TRNP1: variants seen among roughly 807,000 people sequenced by gnomAD.
The protein encoded by TRNP1 is TMF-regulated nuclear protein 1.
TRNP1 carries 16 observed loss-of-function variants against 12.2 expected under a neutral mutation model. The observed-to-expected ratio is 1.31, with a 90% CI of 0.89 to 1.99. The LOEUF is 1.99. TRNP1 is among the 30% of genes most tolerant of loss of function. TRNP1 has a pLI of 0.00. For missense variants in TRNP1, 338 were observed against 330.4 expected, an observed-to-expected ratio of 1.02 and a Z score of -0.18; for synonymous variants, 139 against 166.2, an observed-to-expected ratio of 0.84 and a Z score of 1.26.
At chr1:26,997,456 T>C (rs2082550903) in intron 1 of TRNP1, among the ~76,000 whole-genome samples, 1 of 152,164 alleles carries the variant, frequency 6.6e-6, no homozygotes, top group African/African-American at 2.4e-5. Context: ...TCCTGGCTCT[T>C]TTCCAGGCAG....
At chr1:26,999,100 G>C (rs141598368) in intron 1 of TRNP1, among the ~76,000 whole-genome samples, 1 of 152,166 alleles carries the variant, frequency 6.6e-6, no homozygotes, top group African/African-American at 2.4e-5. Context: ...CAGCAACCTG[G>C]CTTCTGAGGA....
chr1:26,999,537 A>G (rs1466405057), intron 1 of TRNP1, among the ~76,000 whole-genome samples: 2 of 152,116 alleles, frequency 1.3e-5, no homozygotes, highest in Non-Finnish European at 1.5e-5. Context: ...GCTTCTCTAG[A>G]GCATCACCAT....
At chr1:26,995,675 G>A (rs753514509) in intron 1 of TRNP1, among the ~76,000 whole-genome samples, 2 of 152,210 alleles carry the variant, frequency 1.3e-5, no homozygotes, top group Non-Finnish European at 2.9e-5. Flanking sequence ...TTGTTGCCCA[G>A]GCTGAAGTGC....
At position 26,993,711 on chromosome 1, in the gene TRNP1, T is replaced by G; in HGVS notation, c.-76T>G. ...GCCTCTGGGGTGGGGGCTGTGGCCGTGTCTAGCTGTTCGGGTGTGCTGTGG... is the reference window on the plus strand; with the variant it reads ...GCCTCTGGGGTGGGGGCTGTGGCCGGGTCTAGCTGTTCGGGTGTGCTGTGG... On this transcript the variant is annotated 5_prime_UTR_variant, in exon 1 of 2. Coordinates refer to ENST00000522111, the MANE Select transcript of TRNP1 (RefSeq NM_001013642.3). 1 of 1,207,172 alleles carries G rather than the reference T, an allele frequency of 8.3e-7. No homozygotes were observed. The highest frequency in any genetic ancestry group is 1.0e-6 in the Non-Finnish European group (1 of 972,424). 74.8% of individuals were successfully genotyped at this position (1,207,172 alleles called of 1,614,324 possible). A position where few individuals can be genotyped will look rare whatever the true frequency, so the allele number is the denominator to read the frequency against.
chr1:26,994,141 C>G lies in TRNP1; in HGVS notation c.355C>G (p.Leu119Val). 1 of 1,252,788 alleles carries G rather than the reference C, an allele frequency of 8.0e-7. No homozygotes were observed. The highest frequency in any genetic ancestry group is 1.0e-6 in the Non-Finnish European group (1 of 995,980). 77.6% of individuals were successfully genotyped at this position (1,252,788 alleles called of 1,614,324 possible). ...GCTGGAGGTGGAGGGCCGCCGGCGCCTGGTGTCGGAGCTGGAGAGCCGCGT... is the reference window on the plus strand; with the variant it reads ...GCTGGAGGTGGAGGGCCGCCGGCGCGTGGTGTCGGAGCTGGAGAGCCGCGT... ...RLLEVEGRRR[L>V]VSELESRVLQ... The change falls in exon 1 of 2, where the codon CTG becomes GTG. Residue 119 changes from leucine (L) to valine (V), a missense_variant. Leu to Val is a conservative substitution (Grantham distance 32, BLOSUM62 1). Transcript: ENST00000522111. The surrounding 1 kb of genome is among the most constrained non-coding windows in gnomAD (Gnocchi z 6.9).
In TRNP1 at chr1:26,993,795, C is replaced by T; in HGVS notation, c.9C>T (p.Gly3=). 1 of 1,322,400 alleles carries T rather than the reference C, an allele frequency of 7.6e-7. No individual in the cohort carries two copies. Among genetic ancestry groups the T allele is most frequent in the Non-Finnish European group, 9.6e-7 (1 of 1,038,622 alleles). The allele number at this position is 1,322,400 out of a possible 1,614,324, so 81.9% of individuals were successfully genotyped here. The change falls in exon 1 of 2, where the codon GGC becomes GGT. Residue 3 remains glycine, a synonymous_variant. Transcript: ENST00000522111. The part of the protein sequence containing the change: MP[G]CRISACGPGA... ...CCGGTGGGGGGCGGGGGATGCCGGG[C>T]TGCCGCATCAGCGCCTGCGGCCCGG...
chr1:26,996,310 G>A (rs2082545266), intron 1 of TRNP1, among the ~76,000 whole-genome samples: 1 of 152,222 alleles, frequency 6.6e-6, no homozygotes, highest in African/African-American at 2.4e-5. Context: ...GCCCTTATGG[G>A]ATCCTCCCTC....
Position 26,994,407 on chromosome 1 carries a change from C to T in TRNP1, c.621C>T (p.Gly207=). 1 of 1,147,372 alleles carries T rather than the reference C, an allele frequency of 8.7e-7. No individual in the cohort carries two copies. Among genetic ancestry groups the T allele is most frequent in the Non-Finnish European group, 1.1e-6 (1 of 934,294 alleles). 71.1% of individuals were successfully genotyped at this position (1,147,372 alleles called of 1,614,324 possible). A position where few individuals can be genotyped will look rare whatever the true frequency, so the allele number is the denominator to read the frequency against. The change falls in exon 1 of 2, where the codon GGC becomes GGT. Residue 207 remains glycine, a synonymous_variant. Transcript: ENST00000522111. The surrounding 1 kb of genome is among the most constrained non-coding windows in gnomAD (Gnocchi z 6.9). ...WGAGRLRRGH[G]PEPDSPFRRS... Reference sequence around the variant, plus strand: ...CCGGGCGACTGCGGCGCGGCCACGGCCCCGAGCCCGACTCGCCCTTCCGCC... The same window carrying T: ...CCGGGCGACTGCGGCGCGGCCACGGTCCCGAGCCCGACTCGCCCTTCCGCC...
At chr1:26,995,627 TTTG>T (rs2082541467) in intron 1 of TRNP1, among the ~76,000 whole-genome samples, 2 of 152,214 alleles carry the variant, frequency 1.3e-5, no homozygotes, top group South Asian at 2.1e-4. Context: ...AGATAATTTT[TTTG>T]TTGTTGTTGT....
chr1:26,997,744 G>A (rs1350864058), intron 1 of TRNP1, among the ~76,000 whole-genome samples: 1 of 152,154 alleles, frequency 6.6e-6, no homozygotes, highest in Non-Finnish European at 1.5e-5. Flanking sequence ...GCTTGGGGCT[G>A]GGAGACCAGT....
At position 26,994,527 on chromosome 1, in the gene TRNP1, C is replaced by A; in HGVS notation, c.*57C>A. The A allele has an allele frequency of 9.1e-7, 1 of 1,097,228 alleles. No individual in the cohort carries two copies. The allele number at this position is 1,097,228 out of a possible 1,614,324, so 68.0% of individuals were successfully genotyped here. ...AAGCTTCGCCGAGGTGCCGACCGAC[C>A]GACTGATCGCGGACGCCGGCTGGAA... On this transcript the variant is annotated 3_prime_UTR_variant, in exon 1 of 2. Transcript: ENST00000522111. This position sits in a 1 kb window ranked among gnomAD's most constrained non-coding sequence, Gnocchi z 6.9.
chr1:26,999,041 T>C (rs6658653), intron 1 of TRNP1, among the ~76,000 whole-genome samples: 14,043 of 152,160 alleles, frequency 0.092, 1,010 homozygotes, highest in African/African-American at 0.2. Flanking sequence ...CTCCCAGAGT[T>C]TGGGCACACC....
In TRNP1 at chr1:27,000,595, T is replaced by C. The variant is rs1400434562; in HGVS notation, c.*891T>C. Reference sequence around the variant, plus strand: ...TGTAGAATTCTGCATAGTGAATGTATATTGAATTAGTCTCCTGCCTTATAC... The same window carrying C: ...TGTAGAATTCTGCATAGTGAATGTACATTGAATTAGTCTCCTGCCTTATAC... On this transcript the variant is annotated 3_prime_UTR_variant, in exon 2 of 2. Coordinates refer to ENST00000522111, the MANE Select transcript of TRNP1 (RefSeq NM_001013642.3). 6.6e-6 allele frequency: 1 copy of C among 152,644 alleles called. No homozygotes were observed. Among genetic ancestry groups the C allele is most frequent in the Non-Finnish European group, 1.5e-5 (1 of 68,034 alleles). 9.5% of individuals were successfully genotyped at this position (152,644 alleles called of 1,614,324 possible). A position where few individuals can be genotyped will look rare whatever the true frequency, so the allele number is the denominator to read the frequency against.
At chr1:26,997,341 G>T (rs77471632) in intron 1 of TRNP1, among the ~76,000 whole-genome samples, 12 of 100,468 alleles carry the variant, frequency 1.2e-4, no homozygotes, top group Non-Finnish European at 2.5e-4. Flanking sequence ...AAAAAAAAAA[G>T]CTCACCCGTC....
intron 1 of TRNP1, among the ~76,000 whole-genome samples, chr1:26,998,229 AGGG>A (rs1415430706): frequency 1.0e-5 from 1 of 96,846 alleles, no homozygotes; most frequent in Non-Finnish European, 2.8e-5. Context: ...TGAAAAAAAA[AGGG>A]GGGAGCAAAG....
Position 26,993,726 on chromosome 1 carries a change from G to C in TRNP1, c.-61G>C, listed in dbSNP as rs916188762. 1.5e-5 allele frequency: 19 copies of C among 1,260,064 alleles called. No individual in the cohort carries two copies. Among genetic ancestry groups the C allele is most frequent in the Non-Finnish European group, 1.8e-5 (18 of 1,002,832 alleles). 78.1% of individuals were successfully genotyped at this position (1,260,064 alleles called of 1,614,324 possible). ...GCTGTGGCCGTGTCTAGCTGTTCGG[G>C]TGTGCTGTGGTCATCCTCCCTGCGC... On this transcript the variant is annotated 5_prime_UTR_variant, in exon 1 of 2. Coordinates refer to ENST00000522111, the MANE Select transcript of TRNP1 (RefSeq NM_001013642.3).
In TRNP1 at chr1:26,994,083, C is replaced by A; in HGVS notation, c.297C>A (p.Arg99=). 2.5e-6 allele frequency: 3 copies of A among 1,216,102 alleles called. No homozygotes were observed. Among genetic ancestry groups the A allele is most frequent in the Middle Eastern group, 3.2e-4 (1 of 3,096 alleles). 75.3% of individuals were successfully genotyped at this position (1,216,102 alleles called of 1,614,324 possible). A position where few individuals can be genotyped will look rare whatever the true frequency, so the allele number is the denominator to read the frequency against. ...GCGCGGCTGCGGGGGCGGGGGGCCGCGCGCTGGAGCTGGCCGAAGCACGGC... is the reference window on the plus strand; with the variant it reads ...GCGCGGCTGCGGGGGCGGGGGGCCGAGCGCTGGAGCTGGCCGAAGCACGGC... ...GSGAAAGAGG[R]ALELAEARRR... Residue 99 remains arginine (R), a synonymous_variant, in exon 1 of 2, where the codon CGC becomes CGA. Transcript: ENST00000522111. The surrounding 1 kb of genome is among the most constrained non-coding windows in gnomAD (Gnocchi z 6.9).
rs763021952 is a variant in TRNP1, at chr1:26,999,913, G to A, written c.*209G>A. ...CCTCTGGATTCGGCTTTCTCCCTGG[G>A]CACTGCCTTCAGGAAGACGTTGAGA... is the stretch of plus-strand genomic sequence containing the variant. On this transcript the variant is annotated 3_prime_UTR_variant, in exon 2 of 2. Coordinates refer to ENST00000522111, the MANE Select transcript of TRNP1 (RefSeq NM_001013642.3). 1 of 152,214 alleles carries A rather than the reference G, an allele frequency of 6.6e-6. No individual in the cohort carries two copies. The highest frequency in any genetic ancestry group is 1.5e-5 in the Non-Finnish European group (1 of 68,084). The allele number at this position is 152,214 out of a possible 1,614,324, so 9.4% of individuals were successfully genotyped here. A position where few individuals can be genotyped will look rare whatever the true frequency, so the allele number is the denominator to read the frequency against.
In TRNP1 at chr1:26,994,422, G is replaced by A; in HGVS notation, c.636G>A (p.Ser212=). ...GCGGCCACGGCCCCGAGCCCGACTCGCCCTTCCGCCGCAGCCCGCCCCGCG... is the reference window on the plus strand; with the variant it reads ...GCGGCCACGGCCCCGAGCCCGACTCACCCTTCCGCCGCAGCCCGCCCCGCG... ...LRRGHGPEPD[S]PFRRSPPRGP... The change falls in exon 1 of 2, where the codon TCG becomes TCA. Residue 212 remains serine, a synonymous_variant. Coordinates refer to ENST00000522111, the MANE Select transcript of TRNP1 (RefSeq NM_001013642.3). The surrounding 1 kb of genome is among the most constrained non-coding windows in gnomAD (Gnocchi z 6.9). The A allele has an allele frequency of 6.0e-6, 7 of 1,168,926 alleles. No individual in the cohort carries two copies. The highest frequency in any genetic ancestry group is 7.4e-6 in the Non-Finnish European group (7 of 947,784). The allele number at this position is 1,168,926 out of a possible 1,614,324, so 72.4% of individuals were successfully genotyped here.
Sources: allele counts gnomAD v4.1 joint callset (sites outside exome capture counted in the v4.1 genomes callset), GRCh38; gene constraint gnomAD v4.1.1; non-coding constraint Gnocchi (gnomAD v3.1); transcripts MANE v1.5; gene names NCBI Gene and HGNC (gene_info 2026-07-23, HGNC 2026-07-21).